RSF1: variants seen among roughly 807,000 people sequenced by gnomAD.
RSF1 encodes HBV pX-associated protein 8.
In RSF1, 13 loss-of-function variants were observed where a neutral mutation model predicts 145.2. The ratio of observed to expected loss-of-function variants is 0.09; its 90% confidence interval spans 0.06 to 0.14. The LOEUF (loss-of-function observed/expected upper bound fraction) is 0.14, where lower values mean the gene tolerates loss of function less well. Among genes scored for constraint, RSF1 ranks in the 10% least tolerant of loss-of-function variants. The pLI is 1.00. For missense variants in RSF1, 1,517 were observed against 1,718.2 expected (o/e 0.88, Z 2.07); for synonymous variants, 577 against 592.6 (o/e 0.97, Z 0.38).
the RSF1 span, among the ~76,000 whole-genome samples, chr11:77,856,236 C>T: frequency 6.6e-6 from 1 of 152,234 alleles, no homozygotes; most frequent in African/African-American, 2.4e-5. Context: ...AAGCATAGCA[C>T]AAGTAACCTT....
intron 5 of RSF1, among the ~76,000 whole-genome samples, chr11:77,713,220 C>G (rs1960727311): frequency 6.6e-6 from 1 of 152,080 alleles, no homozygotes; most frequent in Non-Finnish European, 1.5e-5. Flanking sequence ...AAAGCTCATT[C>G]ACGAGAAGAT....
chr11:77,808,979 A>G (rs947805751), intron 1 of RSF1, among the ~76,000 whole-genome samples: 1 of 152,230 alleles, frequency 6.6e-6, no homozygotes, highest in African/African-American at 2.4e-5. Context: ...GACCACAACC[A>G]TAGTACTGTG....
chr11:77,837,600 T>G, the RSF1 span, among the ~76,000 whole-genome samples: 1 of 151,868 alleles, frequency 6.6e-6, no homozygotes, highest in Non-Finnish European at 1.5e-5. Flanking sequence ...TACGCCCGGC[T>G]AATTTTTGTA....
At chr11:77,677,826 T>C (rs1349793110) in intron 12 of RSF1, among the ~76,000 whole-genome samples, 1 of 152,216 alleles carries the variant, frequency 6.6e-6, no homozygotes, top group Non-Finnish European at 1.5e-5. Flanking sequence ...CAGAAGTAAA[T>C]TTTTTAACCT....
the RSF1 span, among the ~76,000 whole-genome samples, chr11:77,870,329 ATTTTTTTT>A: frequency 8.0e-5 from 7 of 87,988 alleles, no homozygotes; most frequent in African/African-American, 2.4e-4. Flanking sequence ...CTATTTTTTA[ATTTTTTTT>A]TTTTTTTTTT....
intron 2 of RSF1, among the ~76,000 whole-genome samples, chr11:77,758,274 A>G (rs978140900): frequency 1.2e-4 from 19 of 152,220 alleles, no homozygotes; most frequent in African/African-American, 4.3e-4. Flanking sequence ...CAGTAAAACC[A>G]CAAGACTTCT....
chr11:77,865,175 G>C, the RSF1 span, among the ~76,000 whole-genome samples: 1 of 152,162 alleles, frequency 6.6e-6, no homozygotes, highest in Non-Finnish European at 1.5e-5. Flanking sequence ...TGCCTAACTA[G>C]TCATGGTTTA....
intron 5 of RSF1, among the ~76,000 whole-genome samples, chr11:77,711,981 G>A (rs1466740983): frequency 2.7e-5 from 4 of 148,654 alleles, no homozygotes; most frequent in African/African-American, 7.6e-5. Context: ...ATTTGGGCTT[G>A]TTTGGTGTTT....
upstream of RSF1, among the ~76,000 whole-genome samples, chr11:77,824,599 T>G (rs1949083075): frequency 1.3e-5 from 2 of 152,154 alleles, no homozygotes; most frequent in African/African-American, 4.8e-5. Flanking sequence ...AAAAACATGT[T>G]GAGTAAAAGA....
chr11:77,724,045 T>C (rs1488806528), intron 5 of RSF1, among the ~76,000 whole-genome samples: 1 of 152,006 alleles, frequency 6.6e-6, no homozygotes. Flanking sequence ...TTAAGAGTTT[T>C]CAAAGCATAA....
chr11:77,800,118 T>C (rs908752828), intron 1 of RSF1, among the ~76,000 whole-genome samples: 3 of 152,158 alleles, frequency 2.0e-5, no homozygotes, highest in Non-Finnish European at 4.4e-5. Context: ...GAATAGCCAC[T>C]GCACTCCATC....
chr11:77,811,170 C>A (rs1430362632), intron 1 of RSF1, among the ~76,000 whole-genome samples: 1 of 152,194 alleles, frequency 6.6e-6, no homozygotes. Flanking sequence ...TGGCTGTATA[C>A]CAGTAAAACC....
chr11:77,790,397 A>C (rs1948504880), intron 1 of RSF1, among the ~76,000 whole-genome samples: 1 of 152,030 alleles, frequency 6.6e-6, no homozygotes, highest in South Asian at 2.1e-4. Flanking sequence ...CCCTCCCACA[A>C]CACATGGTAA....
chr11:77,828,048 G>A, the RSF1 span, among the ~76,000 whole-genome samples: 1 of 152,116 alleles, frequency 6.6e-6, no homozygotes, highest in South Asian at 2.1e-4. Context: ...CGAGGTAGGT[G>A]GATCACTTGA....
intron 5 of RSF1, chr11:77,717,744 CT>C (rs1490061297): frequency 6.6e-6 from 1 of 152,068 alleles, no homozygotes; most frequent in Non-Finnish European, 1.5e-5. Context: ...AAAAAAGTCC[CT>C]AGATAACGAT....
chr11:77,692,190 C>T (rs1960166361), intron 8 of RSF1, among the ~76,000 whole-genome samples: 1 of 147,014 alleles, frequency 6.8e-6, no homozygotes, highest in Non-Finnish European at 1.5e-5. Flanking sequence ...CACGCTTGGC[C>T]AAACTTTCAT....
At chr11:77,719,954 T>C (rs1458416392) in intron 5 of RSF1, among the ~76,000 whole-genome samples, 1 of 152,162 alleles carries the variant, frequency 6.6e-6, no homozygotes, top group Non-Finnish European at 1.5e-5. Context: ...CAAAGTAGAT[T>C]AATGGTTTAC....
intron 5 of RSF1, among the ~76,000 whole-genome samples, chr11:77,719,815 A>G (rs1038131730): frequency 3.3e-5 from 5 of 152,240 alleles, no homozygotes; most frequent in African/African-American, 1.2e-4. Flanking sequence ...AATATTTAGC[A>G]TATGTTTTTA....
chr11:77,762,832 T>G (rs1948189115), intron 2 of RSF1: 1 of 152,110 alleles, frequency 6.6e-6, no homozygotes, highest in Non-Finnish European at 1.5e-5. Context: ...AGAAACAGCT[T>G]TCAGTAATAC....
Sources: gnomAD v4.1 joint callset for allele counts (sites outside exome capture counted in the v4.1 genomes callset) on GRCh38, gnomAD v4.1.1 for gene constraint, MANE v1.5 for transcripts, NCBI Gene and HGNC (gene_info 2026-07-23, HGNC 2026-07-21) for gene names.